The following LMF1 variants were observed in gnomAD, a reference collection of about 807,000 sequenced individuals.
LMF1 encodes transmembrane protein 112.
A neutral mutation model predicts 60.6 loss-of-function variants in LMF1; 68 were observed. The observed-to-expected ratio is 1.12, with a 90% CI of 0.92 to 1.37. The LOEUF is 1.37. Ranked by LOEUF, LMF1 falls within the 40% of genes most tolerant of loss-of-function variation. The pLI, the probability that LMF1 is intolerant of heterozygous loss-of-function variation, is 0.00. For synonymous variants in LMF1, 418 were observed against 324.7 expected, an observed-to-expected ratio of 1.29 and a Z score of -3.09; for missense variants, 948 against 767.2, an observed-to-expected ratio of 1.24 and a Z score of -2.78.
intron 3 of LMF1, among the ~76,000 whole-genome samples, chr16:920,585 G>T (rs1020094447): frequency 6.6e-6 from 1 of 152,226 alleles, no homozygotes; most frequent in Admixed American, 6.5e-5. Context: ...ACACCACACA[G>T]AAGCACAGGG....
chr16:957,996 C>T (rs1228433176), intron 1 of LMF1, among the ~76,000 whole-genome samples: 2 of 152,092 alleles, frequency 1.3e-5, no homozygotes, highest in African/African-American at 2.4e-5. Flanking sequence ...AATAAAAAAA[C>T]AAAGAAGAGT....
At chr16:931,777 A>C (rs1156863965) in intron 3 of LMF1, 4 of 1,287,016 alleles carry the variant, frequency 3.1e-6, no homozygotes, top group Non-Finnish European at 3.0e-6. Context: ...GACAGTCCAA[A>C]GTGACGTGCT....
chr16:868,991 G>A lies in LMF1; in HGVS notation c.1482C>T (p.Ala494=). ...AGKLLASDAE[A]LSLLAHNPFA... ...AGGGGTTGTGTGCCAGCAGGGACAA[G>A]GCCTCGGCGTCGCTGGCCAGGAGCT... The change falls in exon 10 of 11, where the codon GCC becomes GCT. Residue 494 remains alanine, a synonymous_variant. Coordinates refer to ENST00000262301, the MANE Select transcript of LMF1 (RefSeq NM_022773.4). The A allele has an allele frequency of 6.2e-7, 1 of 1,612,534 alleles. No homozygotes were observed. Among genetic ancestry groups the A allele is most frequent in the South Asian group, 1.1e-5 (1 of 91,076 alleles).
Position 934,271 on chromosome 16 carries a change from G to C in LMF1, c.504-17C>G, listed in dbSNP as rs1270246401. The C allele has an allele frequency of 6.3e-7, 1 of 1,599,236 alleles. No individual in the cohort carries two copies. Among genetic ancestry groups the C allele is most frequent in the East Asian group, 2.2e-5 (1 of 44,874 alleles). On this transcript the variant is annotated splice_polypyrimidine_tract_variant and intron_variant, in intron 2 of 10. Coordinates refer to ENST00000262301, the MANE Select transcript of LMF1 (RefSeq NM_022773.4). ...AAAGAGTACCTGAAAAACAAAAGAA[G>C]AAACGAGTATTAACACTTTGGCTTG...
At chr16:948,057 CAGCCAACGACAGACTT>C (rs1394487496) in intron 2 of LMF1, among the ~76,000 whole-genome samples, 442 of 147,634 alleles carry the variant, frequency 3.0e-3, no homozygotes, top group Middle Eastern at 7.7e-3. Context: ...ATGACAGAGT[CAGCCAACGACAGACTT>C]AGAGACAACG....
intron 10 of LMF1, chr16:855,638 A>G (rs1241953255): frequency 6.6e-6 from 3 of 451,532 alleles, no homozygotes; most frequent in Non-Finnish European, 1.3e-5. Context: ...TTCTCAGCCC[A>G]CAGGGCGGCT....
intron 10 of LMF1, 97 bp from the exon 11 acceptor site, chr16:854,803 C>T (rs1032445773): frequency 5.2e-6 from 6 of 1,152,734 alleles, no homozygotes; most frequent in Non-Finnish European, 6.3e-6. Flanking sequence ...CTCACAGGGT[C>T]CCCCACGGAC....
At chr16:877,852 T>C (rs1567169508) in intron 6 of LMF1, among the ~76,000 whole-genome samples, 1 of 152,104 alleles carries the variant, frequency 6.6e-6, no homozygotes, top group Non-Finnish European at 1.5e-5. Flanking sequence ...AGAGGTTGTC[T>C]GAGAAAGGTC....
chr16:960,614 G>T (rs867116219), intron 1 of LMF1, among the ~76,000 whole-genome samples: 1 of 49,084 alleles, frequency 2.0e-5, no homozygotes, highest in Non-Finnish European at 4.5e-5. Flanking sequence ...GTGACAACAC[G>T]GGATCACGAC....
At chr16:971,508 G>A (rs1396807372), upstream of LMF1, among the ~76,000 whole-genome samples, 1 of 152,226 alleles carries the variant, frequency 6.6e-6, no homozygotes, top group Non-Finnish European at 1.5e-5. Flanking sequence ...GGAATGCTCG[G>A]GGGACCCTCC....
rs114242481 is a variant in LMF1, at chr16:866,328, T to C, written c.1529+2616A>G. On this transcript the variant is annotated intron_variant, in intron 10 of 10. Transcript: ENST00000262301. Reference sequence around the variant, plus strand: ...AACTCCAGTGGACGCATTGGGAGTATTCCTTGTTGTTTCTGGGTAGGGTGG... The same window carrying C: ...AACTCCAGTGGACGCATTGGGAGTACTCCTTGTTGTTTCTGGGTAGGGTGG... 6.8e-3 allele frequency among the ~76,000 whole-genome samples: 1,029 copies of C among 152,300 alleles called. 11 individuals are homozygous for C. Among genetic ancestry groups the C allele is most frequent in the African/African-American group, 0.024 (993 of 41,550 alleles).
rs552206109 is a variant in LMF1 at position 866,772 on chromosome 16, G to A, written c.1529+2172C>T. Among the ~76,000 whole-genome samples the A allele has an allele frequency of 2.6e-5, 4 of 152,276 alleles. No individual in the cohort carries two copies. The South Asian group carries it at 8.3e-4, about 32-fold the overall frequency. On this transcript the variant is annotated intron_variant, in intron 10 of 10. Coordinates refer to ENST00000262301, the MANE Select transcript of LMF1 (RefSeq NM_022773.4). ...CTGCTCTTTTCTGGCCCTTTAGTCAGAGAGAGCAGATTTTTGTTGAGGTGT... is the reference window on the plus strand; with the variant it reads ...CTGCTCTTTTCTGGCCCTTTAGTCAAAGAGAGCAGATTTTTGTTGAGGTGT...
chr16:922,523 G>A (rs899496152), intron 3 of LMF1, among the ~76,000 whole-genome samples: 7 of 152,318 alleles, frequency 4.6e-5, no homozygotes, highest in South Asian at 2.1e-4. Context: ...GAAGAAAGTC[G>A]CCTCGGTTTT....
chr16:870,645 C>A lies in LMF1; in HGVS notation c.1232+84G>T. 9.2e-6 allele frequency: 14 copies of A among 1,526,608 alleles called. 1 individual carries two copies. Among genetic ancestry groups the A allele is most frequent in the Non-Finnish European group, 1.1e-5 (12 of 1,111,156 alleles). The allele number at this position is 1,526,608 out of a possible 1,614,324, so 94.6% of individuals were successfully genotyped here. On this transcript the variant is annotated intron_variant, in intron 8 of 10. Coordinates refer to ENST00000262301, the MANE Select transcript of LMF1 (RefSeq NM_022773.4). ...ACACTTGGGGTCATGGGGGCCTGCA[C>A]TGTAACCCCACCTGAATGTGGCTGG...
intron 4 of LMF1, among the ~76,000 whole-genome samples, chr16:894,839 G>C (rs996548841): frequency 5.9e-5 from 9 of 152,366 alleles, no homozygotes; most frequent in African/African-American, 2.2e-4. Flanking sequence ...CTGGCTCCTG[G>C]TACCATGACA....
chr16:945,202 A>T (rs1323670059), intron 2 of LMF1, among the ~76,000 whole-genome samples: 1 of 138,600 alleles, frequency 7.2e-6, no homozygotes, highest in Non-Finnish European at 1.5e-5. Context: ...CAAGAGCGAG[A>T]CTCCATCTCA....
chr16:863,605 C>T (rs561266000), intron 10 of LMF1, among the ~76,000 whole-genome samples: 1 of 152,310 alleles, frequency 6.6e-6, no homozygotes, highest in South Asian at 2.1e-4. Flanking sequence ...TATTTTCTTA[C>T]TGCTCCTTGC....
In LMF1 at chr16:866,504, G is replaced by C. The variant is rs1027129834; in HGVS notation, c.1529+2440C>G. Among the ~76,000 whole-genome samples, 3 of 152,150 alleles carry C rather than the reference G, an allele frequency of 2.0e-5. 1 individual carries two copies. Among genetic ancestry groups the C allele is most frequent in the Non-Finnish European group, 4.4e-5 (3 of 68,024 alleles). ...GAGCCCTTCAGTACTGCCAGGGGTT[G>C]GGGGAGTCCAGGCTCCTCGTGTGGT... is the stretch of plus-strand genomic sequence containing the variant. On this transcript the variant is annotated intron_variant, in intron 10 of 10. Coordinates refer to ENST00000262301, the MANE Select transcript of LMF1 (RefSeq NM_022773.4).
chr16:855,210 A>C, intron 10 of LMF1: 1 of 233,096 alleles, frequency 4.3e-6, no homozygotes, highest in South Asian at 5.8e-5. Context: ...CCAGGCCGGG[A>C]CCTGTTTCCT....
Sources: allele counts gnomAD v4.1 joint callset (sites outside exome capture counted in the v4.1 genomes callset), GRCh38; gene constraint gnomAD v4.1.1; transcripts MANE v1.5; gene names NCBI Gene and HGNC (gene_info 2026-07-23, HGNC 2026-07-21).